LRRFIP1: variants seen among roughly 807,000 people sequenced by gnomAD.
The protein encoded by LRRFIP1 is leucine-rich repeat flightless-interacting protein 1.
LRRFIP1 carries 62 observed loss-of-function variants against 104.4 expected under a neutral mutation model. The ratio of observed to expected loss-of-function variants is 0.59; its 90% confidence interval spans 0.48 to 0.73. LRRFIP1 has a LOEUF of 0.73. Among genes scored for constraint, LRRFIP1 ranks in the 30% least tolerant of loss-of-function variants. The pLI, the probability that LRRFIP1 is intolerant of heterozygous loss-of-function variation, is 0.00. For synonymous variants in LRRFIP1, 300 were observed against 299.0 expected (o/e 1.00, Z -0.03); for missense variants, 796 against 824.5 (o/e 0.97, Z 0.42).
intron 9 of LRRFIP1, 142 bp downstream of exon 9, chr2:237,733,960 T>C (rs2095134377): frequency 1.2e-6 from 1 of 844,152 alleles, no homozygotes; most frequent in African/African-American, 1.7e-5. Flanking sequence ...CATGTGCCAG[T>C]GGGGAATGTC....
intron 6 of LRRFIP1, chr2:237,722,277 C>T (rs1158102456): frequency 6.6e-6 from 1 of 152,092 alleles, no homozygotes; most frequent in Non-Finnish European, 1.5e-5. Flanking sequence ...TCTCAAAATG[C>T]ATCATTTTCA....
chr2:237,734,477 A>G (rs2095166350), intron 9 of LRRFIP1, among the ~76,000 whole-genome samples: 1 of 151,808 alleles, frequency 6.6e-6, no homozygotes, highest in African/African-American at 2.4e-5. Context: ...GACGGGTTTC[A>G]CCACGTTGGC....
At chr2:237,769,804 G>A in intron 19 of LRRFIP1, 139 bp from the exon 20 acceptor site, 1 of 697,698 alleles carries the variant, frequency 1.4e-6, no homozygotes, top group Admixed American at 2.1e-5. Context: ...CCTGTCTGTG[G>A]CCTCATTCAC....
Position 237,696,987 on chromosome 2 carries a change from C to A in LRRFIP1, c.97-11557C>A, listed in dbSNP as rs145571598. 9.8e-5 allele frequency among the ~76,000 whole-genome samples: 15 copies of A among 152,326 alleles called. 1 individual carries two copies. In the East Asian group the frequency reaches 2.5e-3, roughly 25 times the overall value. ...TTTTCTGTTCTCTGCCTGGTAATTTCCAGACAGAAGAGAACATTCAAAGAA... is the reference window on the plus strand; with the variant it reads ...TTTTCTGTTCTCTGCCTGGTAATTTACAGACAGAAGAGAACATTCAAAGAA... On this transcript the variant is annotated intron_variant, in intron 1 of 23. Coordinates refer to ENST00000308482, the MANE Select transcript of LRRFIP1 (RefSeq NM_001137550.2).
At chr2:237,671,193 A>G (rs929794390) in intron 1 of LRRFIP1, among the ~76,000 whole-genome samples, 14 of 152,152 alleles carry the variant, frequency 9.2e-5, no homozygotes, top group African/African-American at 3.4e-4. Context: ...TGACCCATGG[A>G]CTTGTGTCCC....
intron 11 of LRRFIP1, among the ~76,000 whole-genome samples, chr2:237,743,042 AC>A (rs1208099025): frequency 2.6e-5 from 4 of 151,940 alleles, no homozygotes; most frequent in Admixed American, 6.6e-5. Context: ...CAAAAAAAAA[AC>A]ATATGGTTAC....
intron 1 of LRRFIP1, among the ~76,000 whole-genome samples, chr2:237,681,244 C>A (rs1430316331): frequency 6.6e-6 from 1 of 152,208 alleles, no homozygotes; most frequent in Non-Finnish European, 1.5e-5. Flanking sequence ...CTGACAATAT[C>A]CAAGGGTGTT....
intron 9 of LRRFIP1, among the ~76,000 whole-genome samples, chr2:237,734,183 T>C (rs1288641348): frequency 2.6e-5 from 4 of 152,072 alleles, no homozygotes; most frequent in Admixed American, 6.5e-5. Flanking sequence ...TATATTACTT[T>C]GGAAATTTCC....
chr2:237,746,019 AC>A (rs2057794583), intron 11 of LRRFIP1, among the ~76,000 whole-genome samples: 1 of 151,966 alleles, frequency 6.6e-6, no homozygotes, highest in South Asian at 2.1e-4. Context: ...TAGATAGTTC[AC>A]ATTTCCTTGT....
At chr2:237,768,431 C>G (rs1253629786) in intron 19 of LRRFIP1, 1 of 152,198 alleles carries the variant, frequency 6.6e-6, no homozygotes, top group African/African-American at 2.4e-5. Flanking sequence ...ACTTGAGCTT[C>G]AAGATCACAT....
Position 237,780,453 on chromosome 2 carries a change from A to C in LRRFIP1, c.*921A>C, listed in dbSNP as rs1576482479. ...TTTTTCTTTCCCTATTTAAAAAAAA[A>C]GGTGTTTTCACAGAATGAGTGCACT... On this transcript the variant is annotated 3_prime_UTR_variant, in exon 24 of 24. Coordinates refer to ENST00000308482, the MANE Select transcript of LRRFIP1 (RefSeq NM_001137550.2). The C allele has an allele frequency of 6.6e-6, 1 of 152,130 alleles. No individual in the cohort carries two copies. The highest frequency in any genetic ancestry group is 2.1e-4 in the South Asian group (1 of 4,812). The allele number at this position is 152,130 out of a possible 1,614,324, so 9.4% of individuals were successfully genotyped here.
At chr2:237,689,988 T>C (rs1217113752) in intron 1 of LRRFIP1, among the ~76,000 whole-genome samples, 2 of 152,186 alleles carry the variant, frequency 1.3e-5, no homozygotes, top group Non-Finnish European at 2.9e-5. Flanking sequence ...CTAAGTAACT[T>C]GCTCAATATC....
At chr2:237,642,429 A>G (rs1355422684) in intron 1 of LRRFIP1, among the ~76,000 whole-genome samples, 1 of 150,532 alleles carries the variant, frequency 6.6e-6, no homozygotes, top group Non-Finnish European at 1.5e-5. Flanking sequence ...TAAGGGTTTC[A>G]GCTTCCGGGT....
Position 237,711,286 on chromosome 2 carries a change from T to A in LRRFIP1, c.183+2656T>A, listed in dbSNP as rs181594197. On this transcript the variant is annotated intron_variant, in intron 2 of 23. Transcript: ENST00000308482. The surrounding 1 kb of genome is among the most constrained non-coding windows in gnomAD (Gnocchi z 4.4). The stretch of plus-strand genomic sequence containing the variant: ...TCTTCAGCATGAGTACAGATGTCAT[T>A]TGCTTAGTAGATGGCATTCACATTT... Among the ~76,000 whole-genome samples the A allele has an allele frequency of 2.0e-5, 3 of 152,314 alleles. No individual in the cohort carries two copies. The East Asian group carries it at 5.8e-4, about 29-fold the overall frequency.
intron 22 of LRRFIP1, among the ~76,000 whole-genome samples, chr2:237,773,369 C>G (rs141843358): frequency 0.013 from 2,040 of 152,140 alleles, 46 homozygotes; most frequent in African/African-American, 0.047. Flanking sequence ...GAAACCCCGT[C>G]TCTACTAAAA....
chr2:237,763,367 G>A (rs747926691), intron 19 of LRRFIP1: 6 of 1,613,944 alleles, frequency 3.7e-6, no homozygotes, highest in Non-Finnish European at 5.1e-6. Flanking sequence ...AGAGCCCGAT[G>A]AAGAAAAGAG....
At chr2:237,635,975 T>C (rs1010386965) in intron 1 of LRRFIP1, among the ~76,000 whole-genome samples, 1 of 151,872 alleles carries the variant, frequency 6.6e-6, no homozygotes, top group Non-Finnish European at 1.5e-5. Flanking sequence ...CTTGTGCCTA[T>C]GGTCCCAGCT....
At chr2:237,770,946 C>T (rs140185049) in intron 20 of LRRFIP1, among the ~76,000 whole-genome samples, 60 of 151,812 alleles carry the variant, frequency 4.0e-4, no homozygotes, top group Admixed American at 1.5e-3. Context: ...GAAGATTCTC[C>T]GAAAATTGGA....
At chr2:237,655,771 A>T (rs1265285390) in intron 1 of LRRFIP1, among the ~76,000 whole-genome samples, 1 of 152,228 alleles carries the variant, frequency 6.6e-6, no homozygotes, top group African/African-American at 2.4e-5. Flanking sequence ...GTTGACTGAA[A>T]CCCAACCACA....
Sources: allele counts gnomAD v4.1 joint callset (sites outside exome capture counted in the v4.1 genomes callset), GRCh38; gene constraint gnomAD v4.1.1; non-coding constraint Gnocchi (gnomAD v3.1); transcripts MANE v1.5; gene names NCBI Gene and HGNC (gene_info 2026-07-23, HGNC 2026-07-21).